PARVB: variants seen among roughly 807,000 people sequenced by gnomAD.
The protein encoded by PARVB is parvin beta.
Under a neutral mutation model 47.0 loss-of-function variants are expected in PARVB, and 46 were observed. The ratio of observed to expected loss-of-function variants is 0.98; its 90% confidence interval spans 0.77 to 1.25. The LOEUF (loss-of-function observed/expected upper bound fraction) is 1.25. PARVB is among the 50% of genes most tolerant of loss of function. The pLI is 0.00. For missense variants in PARVB, 473 were observed against 471.6 expected (o/e 1.00, Z -0.03); for synonymous variants, 196 against 196.3 (o/e 1.00, Z 0.01).
chr22:44,024,645 G>A (rs2050698662), intron 1 of PARVB, among the ~76,000 whole-genome samples, 194 bp downstream of exon 1: 1 of 152,030 alleles, frequency 6.6e-6, no homozygotes, highest in South Asian at 2.1e-4. Context: ...GGCGCGTGGG[G>A]CCGCGGTGGC....
chr22:44,094,541 G>A (rs1315911897), intron 2 of PARVB, among the ~76,000 whole-genome samples: 5 of 151,996 alleles, frequency 3.3e-5, no homozygotes, highest in East Asian at 1.9e-4. Context: ...CCAAGCTGGG[G>A]TGCGGTGATA....
intron 7 of PARVB, among the ~76,000 whole-genome samples, chr22:44,138,083 A>G (rs1273290345): frequency 6.6e-6 from 1 of 152,170 alleles, no homozygotes; most frequent in Non-Finnish European, 1.5e-5. Context: ...GAATTGTCTC[A>G]GCTATTCATC....
In PARVB at chr22:44,132,968, C is replaced by G; in HGVS notation, c.592C>G (p.Arg198Gly). 1.2e-6 allele frequency: 2 copies of G among 1,614,088 alleles called. No homozygotes were observed. Among genetic ancestry groups the G allele is most frequent in the Non-Finnish European group, 1.7e-6 (2 of 1,179,984 alleles). The change falls in exon 6 of 13, where the codon CGC (arginine) becomes GGC (glycine). Residue 198 changes from arginine (R) to glycine (G), a missense_variant. Physicochemically the swap from Arg to Gly is moderately radical, Grantham distance 125. Coordinates refer to ENST00000338758, the MANE Select transcript of PARVB (RefSeq NM_013327.5). ...SLAMHFRAPI[R>G]LPEHVTVQVV... ...GGCCATGCACTTCAGGGCCCCCATC[C>G]GCCTTCCTGAGCATGTAACGGTGCA...
chr22:44,056,274 C>G (rs1035435250), intron 1 of PARVB, among the ~76,000 whole-genome samples: 1 of 152,176 alleles, frequency 6.6e-6, no homozygotes, highest in African/African-American at 2.4e-5. Context: ...GTCCCTTTGT[C>G]ACCTGGGAGG....
At chr22:43,999,735 T>C (rs2050392366) in intron 2 of PARVB, 1 of 1,195,350 alleles carries the variant, frequency 8.4e-7, no homozygotes, top group African/African-American at 1.5e-5. Context: ...GGCTCATGCC[T>C]GTAACCCTAG....
At chr22:44,163,048 G>A (rs749165033) in intron 11 of PARVB, among the ~76,000 whole-genome samples, 1 of 152,152 alleles carries the variant, frequency 6.6e-6, no homozygotes. Context: ...TCCCCTGAGG[G>A]CACCCCATCC....
At chr22:44,153,021 TTC>T (rs1364583819) in intron 10 of PARVB, 1 of 152,216 alleles carries the variant, frequency 6.6e-6, no homozygotes, top group Non-Finnish European at 1.5e-5. Context: ...TTCAGGCCTT[TTC>T]TCTACACATA....
At chr22:44,080,135 C>A (rs1443808350) in intron 1 of PARVB, among the ~76,000 whole-genome samples, 1 of 152,152 alleles carries the variant, frequency 6.6e-6, no homozygotes, top group Non-Finnish European at 1.5e-5. Context: ...CAGGGGGCAC[C>A]CGGTGTGGAG....
chr22:44,059,106 C>T (rs2051373289), intron 1 of PARVB, among the ~76,000 whole-genome samples: 1 of 144,750 alleles, frequency 6.9e-6, no homozygotes, highest in African/African-American at 2.6e-5. Context: ...AGTGCAGTGG[C>T]ACGATCTCAG....
chr22:44,078,556 A>G (rs2051828199), intron 1 of PARVB, among the ~76,000 whole-genome samples: 1 of 152,132 alleles, frequency 6.6e-6, no homozygotes, highest in Non-Finnish European at 1.5e-5. Context: ...GGCCCCCTGA[A>G]TAACCAGGCT....
At chr22:44,054,418 G>A (rs1289374229) in intron 1 of PARVB, among the ~76,000 whole-genome samples, 1 of 152,076 alleles carries the variant, frequency 6.6e-6, no homozygotes, top group Non-Finnish European at 1.5e-5. Context: ...GTCTTGCTAT[G>A]TTGCCCAGGC....
At chr22:44,035,585 A>C (rs1205664877) in intron 1 of PARVB, among the ~76,000 whole-genome samples, 1 of 151,646 alleles carries the variant, frequency 6.6e-6, no homozygotes, top group African/African-American at 2.4e-5. Context: ...GGTGGCCAGG[A>C]TGGTCTCGAT....
intron 4 of PARVB, among the ~76,000 whole-genome samples, chr22:44,121,109 G>A (rs112558301): frequency 0.023 from 3,440 of 152,190 alleles, 45 homozygotes; most frequent in Admixed American, 0.048. Context: ...CCAAAGTGCT[G>A]GGATTACAGG....
intron 2 of PARVB, among the ~76,000 whole-genome samples, chr22:44,098,221 C>A (rs953512830): frequency 1.3e-5 from 2 of 152,204 alleles, no homozygotes; most frequent in Admixed American, 1.3e-4. Flanking sequence ...CCGTCCTGCA[C>A]CCCCTCTCAT....
At chr22:44,079,889 C>T (rs1215121989) in intron 1 of PARVB, among the ~76,000 whole-genome samples, 4 of 152,168 alleles carry the variant, frequency 2.6e-5, no homozygotes, top group Non-Finnish European at 5.9e-5. Context: ...GATTGTGCCA[C>T]TGCACTCCAG....
chr22:44,118,429 A>G (rs1463591295), intron 3 of PARVB, among the ~76,000 whole-genome samples: 1 of 152,212 alleles, frequency 6.6e-6, no homozygotes. Flanking sequence ...TTCTATCTCA[A>G]TAAGGGTGCA....
chr22:44,036,618 G>C (rs1002425212), intron 1 of PARVB, among the ~76,000 whole-genome samples: 1 of 152,112 alleles, frequency 6.6e-6, no homozygotes, highest in Non-Finnish European at 1.5e-5. Flanking sequence ...TGTTTTTCAA[G>C]AGTCAACTGT....
At chr22:44,047,858 T>A (rs1181052960) in intron 1 of PARVB, among the ~76,000 whole-genome samples, 1 of 152,108 alleles carries the variant, frequency 6.6e-6, no homozygotes, top group Non-Finnish European at 1.5e-5. Flanking sequence ...GTATGTGTAT[T>A]GGTGGACAAA....
intron 1 of PARVB, among the ~76,000 whole-genome samples, chr22:44,041,633 C>A (rs1282836527): frequency 6.6e-6 from 1 of 152,186 alleles, no homozygotes; most frequent in Non-Finnish European, 1.5e-5. Context: ...CCTGTAATCT[C>A]AGCACTTTAG....
Sources: allele counts gnomAD v4.1 joint callset (sites outside exome capture counted in the v4.1 genomes callset), GRCh38; gene constraint gnomAD v4.1.1; transcripts MANE v1.5; gene names NCBI Gene and HGNC (gene_info 2026-07-23, HGNC 2026-07-21).